The following DBF4 variants were observed in gnomAD, a reference collection of about 807,000 sequenced individuals.
The protein encoded by DBF4 is DBF4-CDC7 kinase regulatory subunit.
Under a neutral mutation model 76.6 loss-of-function variants are expected in DBF4, and 25 were observed. That is an observed-to-expected ratio of 0.33 (90% CI 0.24 to 0.46). DBF4 has a LOEUF of 0.46. Ranked by LOEUF, DBF4 falls within the 20% of genes least tolerant of loss-of-function variation. The pLI, the probability that DBF4 is intolerant of heterozygous loss-of-function variation, is 1.00. For synonymous variants in DBF4, 213 were observed against 258.0 expected (o/e 0.83, Z 1.67); for missense variants, 638 against 760.8 (o/e 0.84, Z 1.90).
intron 10 of DBF4, among the ~76,000 whole-genome samples, chr7:87,903,770 C>T (rs1839848575): frequency 6.9e-6 from 1 of 145,116 alleles, no homozygotes; most frequent in Non-Finnish European, 1.5e-5. Flanking sequence ...TCTCTGCTCA[C>T]TGCACCCTCC....
chr7:87,888,783 A>C (rs908246741), intron 6 of DBF4, among the ~76,000 whole-genome samples: 3 of 152,190 alleles, frequency 2.0e-5, no homozygotes, highest in Non-Finnish European at 4.4e-5. Context: ...GATACTTTTT[A>C]AACCCAGTCA....
Position 87,908,074 on chromosome 7 carries a change from G to C in DBF4, c.1936G>C (p.Val646Leu), listed in dbSNP as rs1281809216. The change falls in exon 12 of 12, where the codon GTT becomes CTT. Residue 646 changes from valine to leucine, a missense_variant. By Grantham distance (32) the Val-to-Leu change is conservative (BLOSUM62 1). Transcript: ENST00000265728. ...SYTEKSGICN[V>L]LDIWEEENSD... ...CACAGAAAAGAGTGGTATATGCAAT[G>C]TTTTAGATATTTGGGAAGAGGAAAA... 2 of 1,612,548 alleles carry C rather than the reference G, an allele frequency of 1.2e-6. No homozygotes were observed. Among genetic ancestry groups the C allele is most frequent in the Non-Finnish European group, 1.7e-6 (2 of 1,179,504 alleles).
Position 87,887,966 on chromosome 7 carries a change from T to C in DBF4, c.521-17T>C. On this transcript the variant is annotated splice_polypyrimidine_tract_variant and intron_variant, in intron 5 of 11. Coordinates refer to ENST00000265728, the MANE Select transcript of DBF4 (RefSeq NM_006716.4). ...AGTAAAATTGCTAATCTTAAAACCTTCTTTCTTTTAATAAAGACATTAGAT... is the reference window on the plus strand; with the variant it reads ...AGTAAAATTGCTAATCTTAAAACCTCCTTTCTTTTAATAAAGACATTAGAT... 6.5e-7 allele frequency: 1 copy of C among 1,528,250 alleles called. No homozygotes were observed. Among genetic ancestry groups the C allele is most frequent in the Non-Finnish European group, 8.8e-7 (1 of 1,137,378 alleles). 94.7% of individuals were successfully genotyped at this position (1,528,250 alleles called of 1,614,324 possible). A position where few individuals can be genotyped will look rare whatever the true frequency, so the allele number is the denominator to read the frequency against.
chr7:87,879,115 A>AT (rs1437293598), intron 2 of DBF4, among the ~76,000 whole-genome samples: 1 of 151,950 alleles, frequency 6.6e-6, no homozygotes, highest in Non-Finnish European at 1.5e-5. Flanking sequence ...CTCCTGGGTA[A>AT]TTTTTGTATT....
In DBF4 at chr7:87,903,689, CTTTTT is replaced by C. The variant is rs56740998; in HGVS notation, c.925-584_925-580del. ...TACTGTTGTCTCTCTCTCTGTATCCCTTTTTTTTTTTTTTTTTTTTTTTGAGACGA... is the reference window on the plus strand; with the variant it reads ...TACTGTTGTCTCTCTCTCTGTATCCCTTTTTTTTTTTTTTTTTTGAGACGA... On this transcript the variant is annotated intron_variant, in intron 10 of 11. Coordinates refer to ENST00000265728, the MANE Select transcript of DBF4 (RefSeq NM_006716.4). Among the ~76,000 whole-genome samples the C allele has an allele frequency of 3.1e-5, 3 of 98,106 alleles. No homozygotes were observed. The South Asian group carries it at 1.0e-3, about 33-fold the overall frequency. 64.4% of individuals were successfully genotyped at this position (98,106 alleles called of 152,430 possible).
At chr7:87,878,256 G>GA in intron 2 of DBF4, 31 bp downstream of exon 2, 1 of 1,546,078 alleles carries the variant, frequency 6.5e-7, no homozygotes, top group Non-Finnish European at 8.7e-7. Flanking sequence ...GGCATAGAAG[G>GA]AAAAATTTGT....
rs765113501 is a variant in DBF4 at position 87,907,869 on chromosome 7, A to G, written c.1731A>G (p.Lys577=). The G allele has an allele frequency of 1.9e-6, 3 of 1,613,670 alleles. No individual in the cohort carries two copies. In the South Asian group the frequency reaches 3.3e-5, roughly 18 times the overall value. The stretch of plus-strand genomic sequence containing the variant: ...TACCTTCTGGTAAAATACATCGAAA[A>G]GTGAAAATAATATTAGGACGAAATA... ...DSLPSGKIHR[K]VKIILGRNRK... The change falls in exon 12 of 12, where the codon AAA becomes AAG. Residue 577 remains lysine (K), a synonymous_variant. Coordinates refer to ENST00000265728, the MANE Select transcript of DBF4 (RefSeq NM_006716.4).
At chr7:87,888,133 C>T in intron 6 of DBF4, 74 bp downstream of exon 6, 1 of 1,462,608 alleles carries the variant, frequency 6.8e-7, no homozygotes, top group Non-Finnish European at 9.1e-7. Flanking sequence ...AGTTTTCCTC[C>T]CAAGCAGAAA....
chr7:87,899,488 C>T (rs1011143242), intron 8 of DBF4, among the ~76,000 whole-genome samples: 2 of 152,054 alleles, frequency 1.3e-5, no homozygotes, highest in Non-Finnish European at 1.5e-5. Flanking sequence ...CACAAATAGC[C>T]AATAAGCATA....
rs1019285510 is a variant in DBF4, at chr7:87,900,416, T to A, written c.809+67T>A. The A allele has an allele frequency of 8.1e-6, 12 of 1,485,030 alleles. No individual in the cohort carries two copies. The African/African-American group carries it at 1.7e-4, about 22-fold the overall frequency. The allele number at this position is 1,485,030 out of a possible 1,614,324, so 92.0% of individuals were successfully genotyped here. On this transcript the variant is annotated intron_variant, in intron 9 of 11. Transcript: ENST00000265728. ...TCATCTCAATTTTTCTTTGTAAAGA[T>A]TTGAAATAGTTTCATTTATGCCATA...
intron 6 of DBF4, among the ~76,000 whole-genome samples, chr7:87,892,598 C>A (rs1479990102): frequency 6.6e-6 from 1 of 152,040 alleles, no homozygotes; most frequent in African/African-American, 2.4e-5. Flanking sequence ...GGGTAAATAA[C>A]CAAAGAGTAT....
At position 87,876,672 on chromosome 7, in the gene DBF4, T is replaced by G; in HGVS notation, c.-61T>G. 6.3e-7 allele frequency: 1 copy of G among 1,593,878 alleles called. No individual in the cohort carries two copies. The highest frequency in any genetic ancestry group is 1.3e-5 in the African/African-American group (1 of 74,642). On this transcript the variant is annotated 5_prime_UTR_variant, in exon 1 of 12. Transcript: ENST00000265728. The stretch of plus-strand genomic sequence containing the variant: ...TCAACAGGCCGGGGGAAGCCGTGCT[T>G]TCGCGGCTGCCCGGTGCGACACTTT...
In DBF4 at chr7:87,886,858, AG is replaced by A. The variant is rs1839367985; in HGVS notation, c.416del (p.Gly139GlufsTer4). The A allele has an allele frequency of 6.4e-7, 1 of 1,569,614 alleles. No individual in the cohort carries two copies. Among genetic ancestry groups the A allele is most frequent in the African/African-American group, 1.4e-5 (1 of 73,710 alleles). On this transcript the variant is annotated frameshift_variant, in exon 4 of 12. Transcript: ENST00000265728. LOFTEE classifies it high-confidence loss of function. ...KSPDTVCLSRGKLLVEKAIKD... is the reference protein window; with the variant it reads ...KSPDTVCLSRXKLLVEKAIKD... ...TCTTTTTATAGGTGTGTTTAAGCAG[AG>A]GAAAATTATTAGTTGAAAAAGCTAT...
At chr7:87,898,212 A>G (rs1839687948) in intron 8 of DBF4, among the ~76,000 whole-genome samples, 1 of 152,346 alleles carries the variant, frequency 6.6e-6, no homozygotes. Context: ...CACTGAGGCG[A>G]CAAAAGTGTA....
intron 1 of DBF4, among the ~76,000 whole-genome samples, chr7:87,877,198 G>C (rs929309904): frequency 6.6e-6 from 1 of 152,238 alleles, no homozygotes; most frequent in African/African-American, 2.4e-5. Context: ...TAGATTGAGT[G>C]ATTGTGGGTG....
At chr7:87,906,560 A>G (rs1260457608) in intron 11 of DBF4, among the ~76,000 whole-genome samples, 1 of 152,136 alleles carries the variant, frequency 6.6e-6, no homozygotes, top group African/African-American at 2.4e-5. Flanking sequence ...AATTTCAGGG[A>G]TATCAAGATG....
At chr7:87,880,082 TTATCAG>T (rs113097636) in intron 2 of DBF4, among the ~76,000 whole-genome samples, 4,281 of 152,282 alleles carry the variant, frequency 0.028, 61 homozygotes, top group Middle Eastern at 0.048. Flanking sequence ...ATTTGTGTTT[TTATCAG>T]TAGAACCCTT....
At position 87,896,352 on chromosome 7, in the gene DBF4, A is replaced by G. The variant is rs573684588; in HGVS notation, c.598-122A>G. 13 of 722,364 alleles carry G rather than the reference A, an allele frequency of 1.8e-5. No homozygotes were observed. The East Asian group carries it at 2.7e-4, about 15-fold the overall frequency. The allele number at this position is 722,364 out of a possible 1,614,324, so 44.7% of individuals were successfully genotyped here. On this transcript the variant is annotated intron_variant, in intron 6 of 11. Coordinates refer to ENST00000265728, the MANE Select transcript of DBF4 (RefSeq NM_006716.4). ...ACAATAGTTTTTTTTAACAAAGAAT[A>G]ATCCTTCTTTGATATAGCACTTTTC...
rs187256863 is a variant in DBF4 at position 87,906,022 on chromosome 7, G to A, written c.1050-1166G>A. ...ACTGAAAAAAAAAAAAAATTAGGTG[G>A]TGGCACATGCCTGTAGTCCCAACTA... On this transcript the variant is annotated intron_variant, in intron 11 of 11. Coordinates refer to ENST00000265728, the MANE Select transcript of DBF4 (RefSeq NM_006716.4). Among the ~76,000 whole-genome samples, 998 of 152,042 alleles carry A rather than the reference G, an allele frequency of 6.6e-3. 3 individuals are homozygous for A. The highest frequency in any genetic ancestry group is 0.034 in the Middle Eastern group (10 of 294).
Sources: allele counts gnomAD v4.1 joint callset (sites outside exome capture counted in the v4.1 genomes callset), GRCh38; gene constraint gnomAD v4.1.1; transcripts MANE v1.5; gene names NCBI Gene and HGNC (gene_info 2026-07-23, HGNC 2026-07-21).